Variants in AFF1 observed in about 807,000 individuals in gnomAD.
AFF1 encodes ALF transcription elongation factor 1.
AFF1 carries 48 observed loss-of-function variants against 121.7 expected under a neutral mutation model. That is an observed-to-expected ratio of 0.39 (90% confidence interval 0.31 to 0.50). The LOEUF (loss-of-function observed/expected upper bound fraction) is 0.50. Among genes scored for constraint, AFF1 ranks in the 20% least tolerant of loss-of-function variants. The probability of loss-of-function intolerance (pLI) is 0.76; values close to 1 mark genes in which losing one functional copy is unlikely to be tolerated. For synonymous variants in AFF1, 613 were observed against 563.0 expected, an observed-to-expected ratio of 1.09 and a Z score of -1.26; for missense variants, 1,523 against 1,511.7, an observed-to-expected ratio of 1.01 and a Z score of -0.12.
chr4:86,957,898 A>G (rs565463323), intron 2 of AFF1, among the ~76,000 whole-genome samples: 1 of 151,910 alleles, frequency 6.6e-6, no homozygotes, highest in South Asian at 2.1e-4. Context: ...ACAAACAACT[A>G]TCCTTTTTCC....
chr4:87,025,429 G>T (rs374708292), intron 2 of AFF1, among the ~76,000 whole-genome samples: 1 of 152,210 alleles, frequency 6.6e-6, no homozygotes, highest in Admixed American at 6.5e-5. Context: ...CATCTCAGAC[G>T]TGCCGGTCAT....
chr4:87,039,602 T>G (rs1729904113), intron 2 of AFF1, among the ~76,000 whole-genome samples: 1 of 152,222 alleles, frequency 6.6e-6, no homozygotes, highest in South Asian at 2.1e-4. Flanking sequence ...CACTGAAGCC[T>G]GTGGTTCTCC....
At chr4:87,049,713 G>A in intron 4 of AFF1, 1 of 456,238 alleles carries the variant, frequency 2.2e-6, no homozygotes, top group South Asian at 1.5e-5. Flanking sequence ...TCTCATGCCA[G>A]GCAGCGGCAG....
chr4:87,004,416 T>TTTTGACCTAAATAAA (rs1725938869), intron 2 of AFF1, among the ~76,000 whole-genome samples: 2 of 152,188 alleles, frequency 1.3e-5, no homozygotes, highest in Non-Finnish European at 2.9e-5. Flanking sequence ...TAAAACCCAT[T>TTTTGACCTAAATAAA]ACATATTGAC....
chr4:87,119,502 T>TA (rs1727458813), intron 12 of AFF1, among the ~76,000 whole-genome samples: 1 of 152,006 alleles, frequency 6.6e-6, no homozygotes, highest in South Asian at 2.1e-4. Context: ...GCCCAGGAGT[T>TA]AAAGGTTGCA....
At chr4:87,126,362 T>C in intron 14 of AFF1, 26 bp downstream of exon 14, 1 of 1,594,850 alleles carries the variant, frequency 6.3e-7, no homozygotes, top group Non-Finnish European at 8.6e-7. Flanking sequence ...GGTCACTCTG[T>C]AAGATGGGAT....
At chr4:87,115,796 A>G (rs910993906) in intron 12 of AFF1, among the ~76,000 whole-genome samples, 1 of 151,308 alleles carries the variant, frequency 6.6e-6, no homozygotes, top group Non-Finnish European at 1.5e-5. Context: ...TTTTTTGTAG[A>G]GGTGGGGTTT....
intron 2 of AFF1, among the ~76,000 whole-genome samples, chr4:87,041,593 A>G (rs149371126): frequency 1.3e-5 from 2 of 152,206 alleles, no homozygotes; most frequent in African/African-American, 2.4e-5. Context: ...GTAACTCACT[A>G]TATTCTATTC....
At chr4:87,105,606 T>C in intron 8 of AFF1, 22 bp from the exon 9 acceptor site, 2 of 1,614,106 alleles carry the variant, frequency 1.2e-6, no homozygotes, top group Admixed American at 3.3e-5. Flanking sequence ...TTCATTCTTC[T>C]CTGTGTCCCT....
chr4:87,031,740 A>G (rs1729107853), intron 2 of AFF1, among the ~76,000 whole-genome samples: 1 of 152,206 alleles, frequency 6.6e-6, no homozygotes. Context: ...ATCTGGTGGT[A>G]ATGTTGAATG....
chr4:86,969,837 A>G (rs1159582574), intron 2 of AFF1, among the ~76,000 whole-genome samples: 4 of 129,036 alleles, frequency 3.1e-5, no homozygotes, highest in African/African-American at 1.1e-4. Context: ...CCGAGATAGC[A>G]CCACTGCACT....
At chr4:87,007,384 A>AC (rs773368262) in intron 2 of AFF1, 37 of 1,613,328 alleles carry the variant, frequency 2.3e-5, no homozygotes, top group African/African-American at 9.4e-5. Flanking sequence ...TGGACGGAAG[A>AC]CCCCTGGCTC....
At chr4:87,055,979 ACT>A (rs761310705) in intron 4 of AFF1, among the ~76,000 whole-genome samples, 4 of 152,102 alleles carry the variant, frequency 2.6e-5, no homozygotes, top group Non-Finnish European at 5.9e-5. Flanking sequence ...TGTTGAAATA[ACT>A]CTATTGATGG....
intron 2 of AFF1, among the ~76,000 whole-genome samples, chr4:87,037,112 G>T (rs1455634972): frequency 6.6e-6 from 1 of 152,188 alleles, no homozygotes; most frequent in Non-Finnish European, 1.5e-5. Flanking sequence ...CTGCAAAAAT[G>T]ATTAACACTC....
rs761665603 is a variant in AFF1, at chr4:87,132,234, T to C, written c.3174-37T>C. 1.9e-6 allele frequency: 3 copies of C among 1,597,696 alleles called. No homozygotes were observed. In the African/African-American group the frequency reaches 4.0e-5, roughly 21 times the overall value. On this transcript the variant is annotated intron_variant, in intron 18 of 20. Coordinates refer to ENST00000395146, the MANE Select transcript of AFF1 (RefSeq NM_001166693.3). ...AGATGGCTGCTTTTCTGTAGTATGA[T>C]AGTCACGTGCAGTTTCACTTCTGTC... is the stretch of plus-strand genomic sequence containing the variant.
In AFF1 at chr4:87,063,228, C is replaced by CTTTTTTTTTTTTTTTTTTTTTTTT. The variant is rs569577993; in HGVS notation, c.1059+15639_1059+15662dup. Among the ~76,000 whole-genome samples, 22 of 44,436 alleles carry CTTTTTTTTTTTTTTTTTTTTTTTT rather than the reference C, an allele frequency of 5.0e-4. 8 individuals carry two copies. The highest frequency in any genetic ancestry group is 1.7e-3 in the East Asian group (2 of 1,202). 29.2% of individuals were successfully genotyped at this position (44,436 alleles called of 152,430 possible). On this transcript the variant is annotated intron_variant, in intron 4 of 20. Coordinates refer to ENST00000395146, the MANE Select transcript of AFF1 (RefSeq NM_001166693.3). ...ATGTATAAGCATAGTAGATTCACCT[C>CTTTTTTTTTTTTTTTTTTTTTTTT]TTTTTTTTTTTTTTTTTTTTTTTTT...
Position 87,115,093 on chromosome 4 carries a change from A to G in AFF1, c.2260A>G (p.Lys754Glu). 3.7e-6 allele frequency: 6 copies of G among 1,614,088 alleles called. No homozygotes were observed. Among genetic ancestry groups the G allele is most frequent in the Non-Finnish European group, 5.1e-6 (6 of 1,180,008 alleles). ...DRLPLPLRDTKLLSPLRDTPP... is the reference protein window; with the variant it reads ...DRLPLPLRDTELLSPLRDTPP... ...ACTCCCATTGCCTTTGAGAGACACC[A>G]AGCTGCTCTCACCGCTCAGGGACAC... Residue 754 changes from lysine (K) to glutamate (E), a missense_variant, in exon 12 of 21, where the codon AAG (lysine) becomes GAG (glutamate). Transcript: ENST00000395146.
At chr4:87,019,933 T>TC (rs1267243283) in intron 2 of AFF1, among the ~76,000 whole-genome samples, 2 of 151,934 alleles carry the variant, frequency 1.3e-5, no homozygotes, top group Middle Eastern at 3.4e-3. Context: ...GGGATCTGAC[T>TC]CCATCTCCAG....
At chr4:87,021,898 T>C (rs1247196279) in intron 2 of AFF1, among the ~76,000 whole-genome samples, 2 of 152,200 alleles carry the variant, frequency 1.3e-5, no homozygotes, top group Non-Finnish European at 2.9e-5. Flanking sequence ...TTTCACATCT[T>C]TATGCTTAGA....
Sources: gnomAD v4.1 joint callset for allele counts (sites outside exome capture counted in the v4.1 genomes callset) on GRCh38, gnomAD v4.1.1 for gene constraint, MANE v1.5 for transcripts, NCBI Gene and HGNC (gene_info 2026-07-23, HGNC 2026-07-21) for gene names.